Variants in BIN3 observed in about 807,000 individuals in gnomAD.
The protein encoded by BIN3 is bridging integrator 3.
In BIN3, 41 loss-of-function variants were observed where a neutral mutation model predicts 38.2. That is an observed-to-expected ratio of 1.07 (90% CI 0.84 to 1.39). BIN3 has a LOEUF of 1.39. Ranked by LOEUF, BIN3 falls within the 40% of genes most tolerant of loss-of-function variation. The probability of loss-of-function intolerance (pLI) is 0.00; values close to 1 mark genes in which losing one functional copy is unlikely to be tolerated. For missense variants in BIN3, 361 were observed against 324.3 expected, an observed-to-expected ratio of 1.11 and a Z score of -0.87; for synonymous variants, 145 against 122.6, an observed-to-expected ratio of 1.18 and a Z score of -1.21.
intron 1 of BIN3, among the ~76,000 whole-genome samples, chr8:22,662,624 A>G (rs1038488104): frequency 5.9e-5 from 9 of 152,350 alleles, no homozygotes; most frequent in African/African-American, 2.2e-4. Flanking sequence ...CAAAGGTGTT[A>G]GCTTATCGTC....
At position 22,624,215 on chromosome 8, in the gene BIN3, C is replaced by T; in HGVS notation, c.480+7G>A. The T allele has an allele frequency of 1.2e-6, 2 of 1,612,566 alleles. No individual in the cohort carries two copies. The highest frequency in any genetic ancestry group is 1.7e-6 in the Non-Finnish European group (2 of 1,179,166). On this transcript the variant is annotated splice_region_variant and intron_variant, in intron 7 of 8. Transcript: ENST00000276416. ...TCTAGCCCCTGCCCACCTGTCTCCC[C>T]TGGTACCTGGTGGAGCTTGGCCAGC...
At chr8:22,639,842 G>A (rs1401533165) in intron 2 of BIN3, among the ~76,000 whole-genome samples, 1 of 151,408 alleles carries the variant, frequency 6.6e-6, no homozygotes, top group African/African-American at 2.4e-5. Flanking sequence ...TAATGCCCTA[G>A]CTCCCTTTAC....
chr8:22,630,622 G>A (rs1364119092), intron 4 of BIN3, 44 bp from the exon 5 acceptor site: 1 of 1,608,766 alleles, frequency 6.2e-7, no homozygotes, highest in African/African-American at 1.3e-5. Context: ...GAAGGGGCAG[G>A]TTTCACGGCC....
At chr8:22,651,262 G>A (rs1438731219) in intron 1 of BIN3, among the ~76,000 whole-genome samples, 1 of 152,014 alleles carries the variant, frequency 6.6e-6, no homozygotes, top group Non-Finnish European at 1.5e-5. Flanking sequence ...TCAATCTGTG[G>A]TCTAACTCTG....
At chr8:22,627,824 C>A (rs570694196) in intron 6 of BIN3, among the ~76,000 whole-genome samples, 51 of 152,384 alleles carry the variant, frequency 3.3e-4, no homozygotes, top group African/African-American at 1.2e-3. Flanking sequence ...TGCCCCGCTC[C>A]ATGGTCCTGC....
intron 4 of BIN3, among the ~76,000 whole-genome samples, chr8:22,634,719 C>T (rs1802314622): frequency 6.6e-6 from 1 of 152,148 alleles, no homozygotes; most frequent in Non-Finnish European, 1.5e-5. Context: ...TCACAGACAG[C>T]CAAGCAAAGA....
rs374810339 is a variant in BIN3 at position 22,630,002 on chromosome 8, C to T, written c.300G>A (p.Val100=). The T allele has an allele frequency of 3.9e-4, 620 of 1,609,246 alleles. No individual in the cohort carries two copies. The highest frequency in any genetic ancestry group is 4.9e-4 in the Non-Finnish European group (579 of 1,177,614). The change falls in exon 6 of 9, where the codon GTG becomes GTA. Residue 100 remains valine (V), a splice_region_variant and synonymous_variant. Transcript: ENST00000276416. ...CGATCACAGTCTTCTGGATCTGGTT[C>T]ACCTGTCAAAGAAAAACCCAAAGAC... is the stretch of plus-strand genomic sequence containing the variant. ...KRMDAFNQEK[V]NQIQKTVIEP...
In BIN3 at chr8:22,649,313, A is replaced by G. The variant is rs1384879935; in HGVS notation, c.9-4510T>C. On this transcript the variant is annotated intron_variant, in intron 1 of 8. Coordinates refer to ENST00000276416, the MANE Select transcript of BIN3 (RefSeq NM_018688.6). Reference sequence around the variant, plus strand: ...TCTCACCTTCTTCTAAACGTCAAAGACTTATTTGGCATTTAAAAAATTCTA... The same window carrying G: ...TCTCACCTTCTTCTAAACGTCAAAGGCTTATTTGGCATTTAAAAAATTCTA... Among the ~76,000 whole-genome samples the G allele has an allele frequency of 6.6e-5, 10 of 152,204 alleles. No homozygotes were observed. The East Asian group carries it at 1.9e-3, about 29-fold the overall frequency.
chr8:22,633,201 G>C (rs1802263855), intron 4 of BIN3, among the ~76,000 whole-genome samples: 1 of 152,186 alleles, frequency 6.6e-6, no homozygotes, highest in Non-Finnish European at 1.5e-5. Flanking sequence ...TGGGCGTAGT[G>C]GCTCATGCCT....
chr8:22,646,290 G>C (rs1802712474), intron 1 of BIN3, among the ~76,000 whole-genome samples: 1 of 152,168 alleles, frequency 6.6e-6, no homozygotes. Context: ...CTCCGGCAGA[G>C]GGCTCTCAGC....
intron 4 of BIN3, among the ~76,000 whole-genome samples, chr8:22,631,189 T>A (rs1802187937): frequency 6.6e-6 from 1 of 152,194 alleles, no homozygotes; most frequent in African/African-American, 2.4e-5. Context: ...GGCCAGCAGC[T>A]GCACCCTGCC....
At position 22,629,751 on chromosome 8, in the gene BIN3, C is replaced by T. The variant is rs76160544; in HGVS notation, c.338+213G>A. ...GGGAAGGGGGTGGTGGCAGGGGTAC[C>T]CTGAGCTCGCCTGGGCCATGTGGGT... On this transcript the variant is annotated intron_variant, in intron 6 of 8. Transcript: ENST00000276416. 492 of 591,160 alleles carry T rather than the reference C, an allele frequency of 8.3e-4. No individual in the cohort carries two copies. In the East Asian group the frequency reaches 0.013, roughly 16 times the overall value. 36.6% of individuals were successfully genotyped at this position (591,160 alleles called of 1,614,324 possible).
intron 1 of BIN3, among the ~76,000 whole-genome samples, chr8:22,662,362 G>T (rs923943201): frequency 6.6e-6 from 1 of 152,192 alleles, no homozygotes; most frequent in Non-Finnish European, 1.5e-5. Context: ...CCAGTCTGAT[G>T]GCTGTGAAAC....
rs367834620 is a variant in BIN3 at position 22,644,791 on chromosome 8, C to G, written c.21G>C (p.Lys7Asn). 9 of 1,610,926 alleles carry G rather than the reference C, an allele frequency of 5.6e-6. No homozygotes were observed. The highest frequency in any genetic ancestry group is 7.6e-6 in the Non-Finnish European group (9 of 1,178,420). ...CAATCTGTTTCTTGGGCTGCCCAAT[C>G]TTAAAAGGAATCCTATAAGAGAAAG... is the stretch of plus-strand genomic sequence containing the variant. Reference protein sequence around the residue: MSWIPFKIGQPKKQIVP... With the variant: MSWIPFNIGQPKKQIVP... The change falls in exon 2 of 9, where the codon AAG becomes AAC. Residue 7 changes from lysine (K) to asparagine (N), a missense_variant. Lys to Asn is a moderately conservative substitution (Grantham distance 94). Coordinates refer to ENST00000276416, the MANE Select transcript of BIN3 (RefSeq NM_018688.6).
chr8:22,657,340 G>C (rs373120200), intron 1 of BIN3, among the ~76,000 whole-genome samples: 4 of 152,296 alleles, frequency 2.6e-5, no homozygotes, highest in African/African-American at 9.6e-5. Context: ...CCCAATCCTT[G>C]TGTAACCAAA....
intron 2 of BIN3, 154 bp downstream of exon 2, chr8:22,644,601 A>C (rs1802657581): frequency 1.4e-6 from 1 of 692,708 alleles, no homozygotes; most frequent in South Asian, 1.6e-5. Context: ...TCTAAGCCTC[A>C]GTCTATGTGA....
At chr8:22,623,521 C>T (rs1801908927) in intron 8 of BIN3, among the ~76,000 whole-genome samples, 1 of 152,210 alleles carries the variant, frequency 6.6e-6, no homozygotes, top group South Asian at 2.1e-4. Flanking sequence ...GGGAGGGGAG[C>T]TGAGTCCTCA....
intron 1 of BIN3, among the ~76,000 whole-genome samples, chr8:22,665,998 T>G (rs1803405356): frequency 6.6e-6 from 1 of 152,282 alleles, no homozygotes; most frequent in Admixed American, 6.5e-5. Flanking sequence ...CAGGCCGCAC[T>G]GTGAGTGGCT....
intron 4 of BIN3, among the ~76,000 whole-genome samples, chr8:22,635,215 G>A (rs1802330577): frequency 6.6e-6 from 1 of 152,124 alleles, no homozygotes; most frequent in African/African-American, 2.4e-5. Context: ...CCTTGACCCT[G>A]TCACTCTCCA....
Sources: gnomAD v4.1 joint callset for allele counts (sites outside exome capture counted in the v4.1 genomes callset) on GRCh38, gnomAD v4.1.1 for gene constraint, MANE v1.5 for transcripts, NCBI Gene and HGNC (gene_info 2026-07-23, HGNC 2026-07-21) for gene names.